The following MDGA2 variants were observed in gnomAD, a reference collection of about 807,000 sequenced individuals.
MDGA2 encodes the protein MAM domain containing glycosylphosphatidylinositol anchor 2.
In MDGA2, 40 loss-of-function variants were observed where a neutral mutation model predicts 117.8. The ratio of observed to expected loss-of-function variants is 0.34; its 90% CI spans 0.26 to 0.44. The LOEUF (loss-of-function observed/expected upper bound fraction) is 0.44. MDGA2 is among the 20% of genes least tolerant of loss of function. The probability of loss-of-function intolerance (pLI) is 1.00; values close to 1 mark genes in which losing one functional copy is unlikely to be tolerated. For synonymous variants in MDGA2, 452 were observed against 439.0 expected, an observed-to-expected ratio of 1.03 and a Z score of -0.37; for missense variants, 1,123 against 1,250.6, an observed-to-expected ratio of 0.90 and a Z score of 1.54.
chr14:46,878,816 T>A (rs754658927), intron 11 of MDGA2, among the ~76,000 whole-genome samples: 1 of 152,118 alleles, frequency 6.6e-6, no homozygotes, highest in South Asian at 2.1e-4. Flanking sequence ...CTTTCAAAGA[T>A]GTAAGCGTCC....
intron 1 of MDGA2, among the ~76,000 whole-genome samples, chr14:47,499,084 T>C (rs1223833809): frequency 2.0e-5 from 3 of 152,160 alleles, no homozygotes; most frequent in Non-Finnish European, 4.4e-5. Context: ...GCTAATCAGC[T>C]AATCTTAGTC....
At chr14:47,188,412 C>T (rs1174585462) in intron 3 of MDGA2, among the ~76,000 whole-genome samples, 1 of 152,160 alleles carries the variant, frequency 6.6e-6, no homozygotes, top group East Asian at 1.9e-4. Flanking sequence ...TTCTGGCAAA[C>T]AGGCTGTGAG....
intron 1 of MDGA2, among the ~76,000 whole-genome samples, chr14:47,410,565 AAG>A (rs1892351528): frequency 6.6e-6 from 1 of 152,166 alleles, no homozygotes; most frequent in African/African-American, 2.4e-5. Flanking sequence ...ACTTACATAA[AAG>A]AGATATTTGA....
chr14:47,333,272 C>T (rs531852419), intron 1 of MDGA2, among the ~76,000 whole-genome samples: 3 of 151,970 alleles, frequency 2.0e-5, no homozygotes, highest in East Asian at 1.9e-4. Context: ...AATGTAAAAG[C>T]GTTCCCCTTT....
At chr14:47,031,561 C>A (rs921548442) in intron 8 of MDGA2, among the ~76,000 whole-genome samples, 3 of 152,032 alleles carry the variant, frequency 2.0e-5, no homozygotes, top group Non-Finnish European at 4.4e-5. Flanking sequence ...CCTCAGCTAT[C>A]CCTGATACTT....
At chr14:47,172,537 AG>A (rs1884205173) in intron 3 of MDGA2, among the ~76,000 whole-genome samples, 2 of 152,206 alleles carry the variant, frequency 1.3e-5, no homozygotes, top group Admixed American at 6.5e-5. Flanking sequence ...CCAAGCAAAC[AG>A]GGTTTGGAGT....
chr14:47,447,795 A>C (rs184629513), intron 1 of MDGA2, among the ~76,000 whole-genome samples: 1 of 152,328 alleles, frequency 6.6e-6, no homozygotes, highest in Admixed American at 6.5e-5. Context: ...ACACAGCTCC[A>C]GTCAAAGCGT....
intron 7 of MDGA2, among the ~76,000 whole-genome samples, chr14:47,053,664 CACACACAT>C (rs1889555472): frequency 7.0e-6 from 1 of 142,532 alleles, no homozygotes; most frequent in African/African-American, 2.6e-5. Flanking sequence ...TACACACACA[CACACACAT>C]ATATATATAC....
chr14:47,177,877 A>G (rs2139357013), intron 3 of MDGA2, among the ~76,000 whole-genome samples: 1 of 152,260 alleles, frequency 6.6e-6, no homozygotes, highest in East Asian at 1.9e-4. Context: ...TATATACATA[A>G]TATATTAAAC....
intron 1 of MDGA2, among the ~76,000 whole-genome samples, chr14:47,404,524 T>C (rs1475003328): frequency 6.6e-6 from 1 of 151,772 alleles, no homozygotes; most frequent in African/African-American, 2.4e-5. Context: ...AGACAGGGTC[T>C]CACTCTGTTG....
At chr14:46,916,535 C>T (rs909863492) in intron 10 of MDGA2, among the ~76,000 whole-genome samples, 1 of 152,000 alleles carries the variant, frequency 6.6e-6, no homozygotes, top group African/African-American at 2.4e-5. Context: ...TTTTGCCCTA[C>T]CATCCTAAAC....
At chr14:46,929,599 GTGTATATATATATATATATATA>G (rs1291820615) in intron 9 of MDGA2, among the ~76,000 whole-genome samples, 14 of 15,254 alleles carry the variant, frequency 9.2e-4, no homozygotes, top group Middle Eastern at 0.038. Flanking sequence ...GTGTGTGTGT[GTGTATATATATATATATATATA>G]TATATATATA....
chr14:47,589,193 T>C (rs1378251775), intron 1 of MDGA2, among the ~76,000 whole-genome samples: 1 of 152,002 alleles, frequency 6.6e-6, no homozygotes, highest in Admixed American at 6.6e-5. Flanking sequence ...ATTTTAACAA[T>C]CACACTCTAT....
chr14:47,621,947 A>G (rs901902448), intron 1 of MDGA2, among the ~76,000 whole-genome samples: 3 of 152,254 alleles, frequency 2.0e-5, no homozygotes, highest in Non-Finnish European at 4.4e-5. Context: ...AGGAATTAAC[A>G]TGTAATGTTG....
At chr14:47,398,449 T>C (rs932418015) in intron 1 of MDGA2, among the ~76,000 whole-genome samples, 3 of 152,164 alleles carry the variant, frequency 2.0e-5, no homozygotes, top group Admixed American at 1.3e-4. Context: ...CTTTACGCTA[T>C]GAAGAAAAAA....
At chr14:46,955,053 A>G (rs1331668916) in intron 9 of MDGA2, among the ~76,000 whole-genome samples, 3 of 152,078 alleles carry the variant, frequency 2.0e-5, no homozygotes, top group African/African-American at 7.2e-5. Flanking sequence ...AAATAAGCCC[A>G]GATATTTTGA....
At chr14:46,938,231 A>G (rs1183665697) in intron 9 of MDGA2, among the ~76,000 whole-genome samples, 1 of 152,024 alleles carries the variant, frequency 6.6e-6, no homozygotes, top group Non-Finnish European at 1.5e-5. Flanking sequence ...GGAAATGCAA[A>G]TCAGAACCAC....
At chr14:47,005,906 T>G (rs1340824124) in intron 8 of MDGA2, among the ~76,000 whole-genome samples, 1 of 151,632 alleles carries the variant, frequency 6.6e-6, no homozygotes, top group East Asian at 1.9e-4. Flanking sequence ...GTTAAAATTT[T>G]TTTAAAAATT....
intron 1 of MDGA2, among the ~76,000 whole-genome samples, chr14:47,358,633 C>T (rs1030022058): frequency 6.6e-6 from 1 of 152,114 alleles, no homozygotes; most frequent in African/African-American, 2.4e-5. Context: ...GAAAAATCAA[C>T]ATACAAAAAT....
Sources: allele counts gnomAD v4.1 joint callset (sites outside exome capture counted in the v4.1 genomes callset), GRCh38; gene constraint gnomAD v4.1.1; transcripts MANE v1.5; gene names NCBI Gene and HGNC (gene_info 2026-07-23, HGNC 2026-07-21).